Variants in CCSER1 observed in about 807,000 individuals in gnomAD.
CCSER1 encodes the protein coiled-coil serine rich protein 1.
CCSER1 carries 41 observed loss-of-function variants against 82.0 expected under a neutral mutation model. The observed-to-expected ratio is 0.50, with a 90% CI of 0.39 to 0.65. The LOEUF is 0.65. Ranked by LOEUF, CCSER1 falls within the 30% of genes least tolerant of loss-of-function variation. CCSER1 has a pLI of 0.00. For missense variants in CCSER1, 1,119 were observed against 1,064.2 expected (o/e 1.05, Z -0.72); for synonymous variants, 414 against 383.9 (o/e 1.08, Z -0.92).
intron 3 of CCSER1, among the ~76,000 whole-genome samples, chr4:90,362,824 T>G (rs1303315098): frequency 6.6e-6 from 1 of 152,188 alleles, no homozygotes; most frequent in African/African-American, 2.4e-5. Context: ...TGAACCAGGC[T>G]TCCTCCTTTG....
chr4:90,297,544 G>A (rs1228369865), intron 1 of CCSER1, among the ~76,000 whole-genome samples: 1 of 147,700 alleles, frequency 6.8e-6, no homozygotes, highest in Non-Finnish European at 1.5e-5. Flanking sequence ...AATAGGAGTC[G>A]TGAGAGAGGG....
chr4:91,566,908 A>G (rs570476159), intron 10 of CCSER1, among the ~76,000 whole-genome samples: 2 of 151,586 alleles, frequency 1.3e-5, no homozygotes, highest in East Asian at 3.9e-4. Context: ...TCTGATTTTT[A>G]TTATTTCTCA....
chr4:91,139,119 T>TA (rs1376244072), intron 10 of CCSER1, among the ~76,000 whole-genome samples: 1 of 152,160 alleles, frequency 6.6e-6, no homozygotes, highest in South Asian at 2.1e-4. Flanking sequence ...TGCTTACAAG[T>TA]AAAAACATGT....
chr4:91,275,221 A>G (rs1742329295), intron 10 of CCSER1, among the ~76,000 whole-genome samples: 1 of 152,152 alleles, frequency 6.6e-6, no homozygotes, highest in Admixed American at 6.5e-5. Flanking sequence ...ACTGTTTTCC[A>G]TAGTGCATGT....
At chr4:90,663,227 C>G (rs1372731164) in intron 6 of CCSER1, among the ~76,000 whole-genome samples, 1 of 151,956 alleles carries the variant, frequency 6.6e-6, no homozygotes, top group Non-Finnish European at 1.5e-5. Context: ...TTTTCTATAC[C>G]TTGTAAACAT....
At chr4:90,416,965 A>C (rs1448515631) in intron 4 of CCSER1, among the ~76,000 whole-genome samples, 1 of 152,190 alleles carries the variant, frequency 6.6e-6, no homozygotes, top group Non-Finnish European at 1.5e-5. Flanking sequence ...ACCAAACACC[A>C]CATGTTCTCA....
intron 5 of CCSER1, among the ~76,000 whole-genome samples, chr4:90,543,681 T>A (rs1463021030): frequency 6.6e-6 from 1 of 152,124 alleles, no homozygotes; most frequent in Non-Finnish European, 1.5e-5. Flanking sequence ...TGTTTCTGTA[T>A]CTCACAAGAA....
chr4:90,567,081 T>A (rs1246951197), intron 5 of CCSER1, among the ~76,000 whole-genome samples: 3 of 151,864 alleles, frequency 2.0e-5, no homozygotes, highest in Non-Finnish European at 4.4e-5. Flanking sequence ...ATTGGCTTTC[T>A]ACTTTCCATT....
At chr4:90,591,754 A>G (rs1413546486) in intron 5 of CCSER1, among the ~76,000 whole-genome samples, 2 of 152,210 alleles carry the variant, frequency 1.3e-5, no homozygotes, top group African/African-American at 4.8e-5. Flanking sequence ...TTGGAACACT[A>G]TTAACAATAT....
intron 10 of CCSER1, among the ~76,000 whole-genome samples, chr4:91,282,302 C>A (rs1023670655): frequency 6.6e-6 from 1 of 152,092 alleles, no homozygotes; most frequent in African/African-American, 2.4e-5. Context: ...GCTTAGATAA[C>A]CTGCCATGAT....
chr4:91,107,124 A>G (rs974914593), intron 10 of CCSER1, among the ~76,000 whole-genome samples: 2 of 152,218 alleles, frequency 1.3e-5, no homozygotes, highest in African/African-American at 4.8e-5. Flanking sequence ...GTCTAATAAC[A>G]TGCTGTACAT....
intron 1 of CCSER1, among the ~76,000 whole-genome samples, chr4:90,208,158 T>A (rs1193734556): frequency 6.6e-6 from 1 of 152,208 alleles, no homozygotes; most frequent in Non-Finnish European, 1.5e-5. Flanking sequence ...TATAAGTCCC[T>A]GACTGGGGCT....
At chr4:90,480,251 G>A (rs1353905633) in intron 5 of CCSER1, among the ~76,000 whole-genome samples, 1 of 151,982 alleles carries the variant, frequency 6.6e-6, no homozygotes, top group Non-Finnish European at 1.5e-5. Context: ...AAATTTGTTT[G>A]AGTTTATTGT....
chr4:91,455,603 G>A (rs1454767739), intron 10 of CCSER1, among the ~76,000 whole-genome samples: 1 of 151,996 alleles, frequency 6.6e-6, no homozygotes, highest in African/African-American at 2.4e-5. Flanking sequence ...ATAGATTTCT[G>A]TTTTTCATAT....
At chr4:90,965,516 G>A (rs983786401) in intron 9 of CCSER1, among the ~76,000 whole-genome samples, 9 of 152,212 alleles carry the variant, frequency 5.9e-5, no homozygotes, top group African/African-American at 1.9e-4. Context: ...GGCAAAAGCC[G>A]GGAGACTTAT....
chr4:90,289,936 G>A (rs9991550), intron 1 of CCSER1, among the ~76,000 whole-genome samples: 99,377 of 151,232 alleles, frequency 0.66, 35,047 homozygotes, highest in African/African-American at 0.91. Context: ...ACTGTAGATT[G>A]CCCAAAGTTA....
intron 5 of CCSER1, among the ~76,000 whole-genome samples, chr4:90,495,545 A>G (rs1480783663): frequency 6.6e-6 from 1 of 152,216 alleles, no homozygotes; most frequent in Non-Finnish European, 1.5e-5. Context: ...CTTCTCCAAA[A>G]TAAACAGTAC....
chr4:91,322,443 G>C (rs565055443), intron 10 of CCSER1, among the ~76,000 whole-genome samples: 4 of 152,136 alleles, frequency 2.6e-5, no homozygotes, highest in African/African-American at 9.6e-5. Flanking sequence ...GAAAATTTGT[G>C]AAGAAATTGT....
At position 91,600,462 on chromosome 4, in the gene CCSER1, A is replaced by G. The variant is rs1051830956; in HGVS notation, c.*1405A>G. 1 of 152,186 alleles carries G rather than the reference A, an allele frequency of 6.6e-6. No homozygotes were observed. Among genetic ancestry groups the G allele is most frequent in the African/African-American group, 2.4e-5 (1 of 41,460 alleles). The allele number at this position is 152,186 out of a possible 1,614,324, so 9.4% of individuals were successfully genotyped here. On this transcript the variant is annotated 3_prime_UTR_variant, in exon 11 of 11. Transcript: ENST00000509176. ...AAATTGAAACTGTCATACCTACTGC[A>G]TGATCTGTTTCCCTTGCATTTTCTA... is the stretch of plus-strand genomic sequence containing the variant.
Sources: gnomAD v4.1 joint callset for allele counts (sites outside exome capture counted in the v4.1 genomes callset) on GRCh38, gnomAD v4.1.1 for gene constraint, MANE v1.5 for transcripts, NCBI Gene and HGNC (gene_info 2026-07-23, HGNC 2026-07-21) for gene names.